Variants in ARHGEF28 observed in about 807,000 individuals in gnomAD.
The protein encoded by ARHGEF28 is 190 kDa guanine nucleotide exchange factor.
Under a neutral mutation model 206.6 loss-of-function variants are expected in ARHGEF28, and 152 were observed. That is an observed-to-expected ratio of 0.74 (90% CI 0.64 to 0.84). The LOEUF (loss-of-function observed/expected upper bound fraction) is 0.84. Ranked by LOEUF, ARHGEF28 falls within the 40% of genes least tolerant of loss-of-function variation. The pLI, the probability that ARHGEF28 is intolerant of heterozygous loss-of-function variation, is 0.00. For missense variants in ARHGEF28, 2,028 were observed against 2,073.2 expected (o/e 0.98, Z 0.42); for synonymous variants, 763 against 776.4 (o/e 0.98, Z 0.29).
chr5:73,828,803 T>G (rs1757100247), intron 9 of ARHGEF28, among the ~76,000 whole-genome samples: 1 of 151,792 alleles, frequency 6.6e-6, no homozygotes, highest in African/African-American at 2.4e-5. Context: ...CTTCCTTCCT[T>G]TCCTTCTTTT....
intron 4 of ARHGEF28, among the ~76,000 whole-genome samples, chr5:73,771,876 G>T (rs1296835288): frequency 6.6e-6 from 1 of 152,136 alleles, no homozygotes; most frequent in Non-Finnish European, 1.5e-5. Context: ...TAAAGCTGAA[G>T]ATATCAAGTA....
chr5:73,742,275 A>G (rs1188549699), intron 2 of ARHGEF28, among the ~76,000 whole-genome samples: 2 of 152,118 alleles, frequency 1.3e-5, no homozygotes, highest in African/African-American at 4.8e-5. Context: ...GACTTGGTGT[A>G]CTATTTGGAG....
chr5:73,659,731 G>A (rs918041699), intron 1 of ARHGEF28, among the ~76,000 whole-genome samples: 14 of 152,122 alleles, frequency 9.2e-5, no homozygotes, highest in African/African-American at 3.1e-4. Flanking sequence ...GCAATAAAAT[G>A]AGTCACATGA....
chr5:73,789,824 G>A (rs568968300), intron 7 of ARHGEF28, among the ~76,000 whole-genome samples: 61 of 152,180 alleles, frequency 4.0e-4, no homozygotes, highest in African/African-American at 1.4e-3. Flanking sequence ...TGTCACAGCT[G>A]AGGAACCCCA....
chr5:73,657,466 A>G (rs1745295493), intron 1 of ARHGEF28, among the ~76,000 whole-genome samples: 1 of 152,156 alleles, frequency 6.6e-6, no homozygotes, highest in Non-Finnish European at 1.5e-5. Context: ...CTTTATTTAA[A>G]CATAGTTATT....
chr5:73,813,284 T>C (rs946046402), intron 9 of ARHGEF28, among the ~76,000 whole-genome samples: 1 of 152,158 alleles, frequency 6.6e-6, no homozygotes, highest in Non-Finnish European at 1.5e-5. Flanking sequence ...ATTCATTTGC[T>C]CCCAATGACC....
rs1273771840 is a variant in ARHGEF28 at position 73,868,211 on chromosome 5, G to A, written c.2409G>A (p.Glu803=). 3.8e-6 allele frequency: 6 copies of A among 1,587,488 alleles called. No individual in the cohort carries two copies. The South Asian group carries it at 6.9e-5, about 18-fold the overall frequency. Residue 803 remains glutamate, a synonymous_variant, in exon 20 of 36, where the codon GAG becomes GAA. Transcript: ENST00000513042. Reference sequence around the variant, plus strand: ...CCATGGGCTCTTCTCCCTCTACAGAGTCTTTCATAATGGAAGGTGAGGAGA... The same window carrying A: ...CCATGGGCTCTTCTCCCTCTACAGAATCTTTCATAATGGAAGGTGAGGAGA... ...LQSMGSSPST[E]SFIMEDVVDS...
rs1760207580 is a variant in ARHGEF28 at position 73,873,043 on chromosome 5, A to C, written c.2611A>C (p.Met871Leu). 2 of 1,613,766 alleles carry C rather than the reference A, an allele frequency of 1.2e-6. No individual in the cohort carries two copies. The highest frequency in any genetic ancestry group is 4.5e-5 in the East Asian group (2 of 44,878). The change falls in exon 22 of 36, where the codon ATG (methionine) becomes CTG (leucine). Residue 871 changes from methionine to leucine, a missense_variant. Physicochemically the swap from Met to Leu is conservative, Grantham distance 15 (BLOSUM62 2). This residue lies in a region of ARHGEF28 where 223 missense variants were observed against 289.9 expected (regional missense o/e 0.77). Coordinates refer to ENST00000513042, the MANE Select transcript of ARHGEF28 (RefSeq NM_001177693.2). ...EMHHIQTLFI[M>L]SEIFRKGMKE... ...GCATCACATCCAGACCCTGTTCATC[A>C]TGTCTGAGATCTTCAGGAAAGGCAT...
intron 33 of ARHGEF28, among the ~76,000 whole-genome samples, chr5:73,905,482 G>C (rs1762500143): frequency 6.6e-6 from 1 of 152,070 alleles, no homozygotes. Context: ...TGAAAAATTT[G>C]TAGAAAAATT....
rs1486459112 is a variant in ARHGEF28 at position 73,684,750 on chromosome 5, C to T, written c.-11-91C>T. 6 of 1,081,530 alleles carry T rather than the reference C, an allele frequency of 5.5e-6. No individual in the cohort carries two copies. In the East Asian group the frequency reaches 1.3e-4, roughly 23 times the overall value. The allele number at this position is 1,081,530 out of a possible 1,614,324, so 67.0% of individuals were successfully genotyped here. A position where few individuals can be genotyped will look rare whatever the true frequency, so the allele number is the denominator to read the frequency against. ...TTTCCTATCTAATGAGTTTGCTTCT[C>T]CCTCCACAATATTGATAACTGGAGA... On this transcript the variant is annotated intron_variant, in intron 1 of 35. Transcript: ENST00000513042.
intron 9 of ARHGEF28, among the ~76,000 whole-genome samples, chr5:73,806,236 A>AAT (rs1036349806): frequency 1.5e-5 from 2 of 133,286 alleles, no homozygotes; most frequent in African/African-American, 5.8e-5. Context: ...AGTACATATC[A>AAT]ATATATACTA....
rs1233194551 is a variant in ARHGEF28 at position 73,820,145 on chromosome 5, A to G, written c.1025-12193A>G. Among the ~76,000 whole-genome samples, 78 of 152,198 alleles carry G rather than the reference A, an allele frequency of 5.1e-4. 1 individual carries two copies. Among genetic ancestry groups the G allele is most frequent in the Admixed American group, 5.1e-3 (78 of 15,280 alleles). On this transcript the variant is annotated intron_variant, in intron 9 of 35. Transcript: ENST00000513042. Reference sequence around the variant, plus strand: ...CACTACACCCAGATAGTCTTTATCTACAATTGATCTGATCATCTTCATGGG... The same window carrying G: ...CACTACACCCAGATAGTCTTTATCTGCAATTGATCTGATCATCTTCATGGG...
At chr5:73,663,322 C>T (rs1745733821) in intron 1 of ARHGEF28, among the ~76,000 whole-genome samples, 1 of 152,200 alleles carries the variant, frequency 6.6e-6, no homozygotes, top group Admixed American at 6.5e-5. Context: ...GTTCCTGTTA[C>T]AGGACATTTA....
intron 2 of ARHGEF28, among the ~76,000 whole-genome samples, chr5:73,719,545 T>C (rs1404988697): frequency 6.6e-6 from 1 of 152,228 alleles, no homozygotes; most frequent in Non-Finnish European, 1.5e-5. Context: ...TCTCTTTTCC[T>C]TTCTGCAGCA....
intron 27 of ARHGEF28, 60 bp from the exon 28 acceptor site, chr5:73,893,137 T>A (rs958883477): frequency 7.9e-5 from 105 of 1,328,398 alleles, no homozygotes; most frequent in Non-Finnish European, 9.9e-5. Context: ...GTTTTTCTAA[T>A]GAATCTACAG....
chr5:73,923,995 A>G (rs75115566), intron 35 of ARHGEF28, among the ~76,000 whole-genome samples: 1 of 152,320 alleles, frequency 6.6e-6, no homozygotes, highest in East Asian at 1.9e-4. Flanking sequence ...ATGCTTAGCA[A>G]TATCATTTTT....
At chr5:73,760,790 C>A (rs944661774) in intron 4 of ARHGEF28, among the ~76,000 whole-genome samples, 2 of 152,254 alleles carry the variant, frequency 1.3e-5, no homozygotes, top group Admixed American at 6.5e-5. Flanking sequence ...CCTCTCCCCC[C>A]AATCATTTGA....
At chr5:73,882,873 A>G (rs901281322) in intron 23 of ARHGEF28, among the ~76,000 whole-genome samples, 4 of 152,186 alleles carry the variant, frequency 2.6e-5, no homozygotes, top group Admixed American at 6.5e-5. Flanking sequence ...GCCAAGTTAT[A>G]TATCAGAAAA....
At chr5:73,636,942 G>A (rs1743754755) in intron 1 of ARHGEF28, among the ~76,000 whole-genome samples, 1 of 152,142 alleles carries the variant, frequency 6.6e-6, no homozygotes, top group African/African-American at 2.4e-5. Context: ...GATTGTTCAG[G>A]AAGTTGAGTT....
Sources: gnomAD v4.1 joint callset for allele counts (sites outside exome capture counted in the v4.1 genomes callset) on GRCh38, gnomAD v4.1.1 for gene constraint, gnomAD v4.1.1 regional missense constraint, MANE v1.5 for transcripts, NCBI Gene and HGNC (gene_info 2026-07-23, HGNC 2026-07-21) for gene names.